WRN: variants seen among roughly 807,000 people sequenced by gnomAD.
The protein encoded by WRN is bifunctional 3'-5' exonuclease/ATP-dependent helicase WRN.
WRN carries 149 observed loss-of-function variants against 180.7 expected under a neutral mutation model. The ratio of observed to expected loss-of-function variants is 0.82; its 90% CI spans 0.72 to 0.94. The LOEUF (loss-of-function observed/expected upper bound fraction) is 0.94, where lower values mean the gene tolerates loss of function less well. WRN is among the 40% of genes least tolerant of loss of function. The probability of loss-of-function intolerance (pLI) is 0.00; values close to 1 mark genes in which losing one functional copy is unlikely to be tolerated. For missense variants in WRN, 1,661 were observed against 1,700.1 expected, an observed-to-expected ratio of 0.98 and a Z score of 0.40; for synonymous variants, 548 against 568.9, an observed-to-expected ratio of 0.96 and a Z score of 0.52.
At chr8:31,140,752 T>C (rs920153910) in intron 24 of WRN, among the ~76,000 whole-genome samples, 6 of 151,806 alleles carry the variant, frequency 4.0e-5, no homozygotes, top group Non-Finnish European at 7.4e-5. Context: ...CGTTTTTTTG[T>C]TTTGTTTTGT....
At chr8:31,068,422 A>G (rs898442391) in intron 7 of WRN, 95 bp downstream of exon 7, 12 of 1,040,684 alleles carry the variant, frequency 1.2e-5, no homozygotes, top group Non-Finnish European at 1.6e-5. Flanking sequence ...AGCATTTAGT[A>G]CTATAACTTC....
intron 1 of WRN, among the ~76,000 whole-genome samples, chr8:31,053,852 T>C (rs1317053193): frequency 2.0e-5 from 3 of 152,354 alleles, no homozygotes; most frequent in African/African-American, 4.8e-5. Flanking sequence ...GACAAAGCTT[T>C]AGTATTATTT....
At chr8:31,067,238 A>G (rs1812745921) in intron 6 of WRN, 56 bp downstream of exon 6, 1 of 1,591,224 alleles carries the variant, frequency 6.3e-7, no homozygotes, top group South Asian at 1.1e-5. Context: ...ATTATTATAA[A>G]TGACTTTAGA....
chr8:31,063,914 G>T (rs1283521890), intron 3 of WRN, among the ~76,000 whole-genome samples: 1 of 151,552 alleles, frequency 6.6e-6, no homozygotes, highest in Non-Finnish European at 1.5e-5. Flanking sequence ...TTTTTGTAGA[G>T]ACATGCTGTG....
intron 24 of WRN, among the ~76,000 whole-genome samples, chr8:31,135,894 CGTTGGGTCA>C (rs984009820): frequency 6.6e-6 from 1 of 152,020 alleles, no homozygotes; most frequent in Non-Finnish European, 1.5e-5. Flanking sequence ...GAAACTGATA[CGTTGGGTCA>C]TGTACCCTGG....
intron 6 of WRN, 78 bp downstream of exon 6, chr8:31,067,260 A>G: frequency 6.6e-7 from 1 of 1,516,042 alleles, no homozygotes; most frequent in Non-Finnish European, 9.0e-7. Context: ...AAATTTTATT[A>G]TAGTAGTGGC....
intron 24 of WRN, among the ~76,000 whole-genome samples, chr8:31,136,496 G>A (rs1445449325): frequency 6.6e-6 from 1 of 152,140 alleles, no homozygotes; most frequent in African/African-American, 2.4e-5. Flanking sequence ...TGCTAGTCTA[G>A]TGTCTTTTCT....
chr8:31,166,433 A>T (rs1803864600), intron 33 of WRN, among the ~76,000 whole-genome samples: 1 of 152,164 alleles, frequency 6.6e-6, no homozygotes, highest in Admixed American at 6.5e-5. Flanking sequence ...GTTGCAAAAA[A>T]TGTAAAGTTT....
chr8:31,134,351 T>C (rs1802314216), intron 24 of WRN, among the ~76,000 whole-genome samples: 1 of 152,210 alleles, frequency 6.6e-6, no homozygotes, highest in South Asian at 2.1e-4. Context: ...TATATAAATA[T>C]ATAACATAGT....
At chr8:31,079,412 A>C (rs1178494979) in intron 8 of WRN, among the ~76,000 whole-genome samples, 5 of 152,198 alleles carry the variant, frequency 3.3e-5, no homozygotes, top group Non-Finnish European at 7.3e-5. Flanking sequence ...ATCGCTAATG[A>C]AAGAGTAAAA....
At chr8:31,093,140 G>C (rs967551458) in intron 16 of WRN, among the ~76,000 whole-genome samples, 11 of 151,964 alleles carry the variant, frequency 7.2e-5, no homozygotes, top group African/African-American at 2.4e-5. Context: ...GATCTTGCTT[G>C]GTTGCCCAGG....
At chr8:31,036,761 C>T (rs1362755702) in intron 1 of WRN, among the ~76,000 whole-genome samples, 4 of 152,008 alleles carry the variant, frequency 2.6e-5, no homozygotes, top group African/African-American at 9.7e-5. Context: ...TGGAAATTAA[C>T]CTCTTATTAG....
In WRN at chr8:31,120,305, T is replaced by TC; in HGVS notation, c.2512dup (p.His838ProfsTer6). 6.2e-7 allele frequency: 1 copy of TC among 1,613,122 alleles called. No homozygotes were observed. The highest frequency in any genetic ancestry group is 1.1e-5 in the South Asian group (1 of 91,064). ...ATAAAGCTGACATTCGCCAAGTCAT[T>TC]CATTACGGTGCTCCTAAGGACATGG... On this transcript the variant is annotated frameshift_variant, in exon 21 of 35. Transcript: ENST00000298139. LOFTEE classifies it high-confidence loss of function.
At chr8:31,056,922 T>C (rs780524400) in intron 1 of WRN, among the ~76,000 whole-genome samples, 6 of 152,174 alleles carry the variant, frequency 3.9e-5, no homozygotes, top group Non-Finnish European at 8.8e-5. Context: ...TCTGGTTTGA[T>C]GTCATTGGGA....
rs1424274322 is a variant in WRN at position 31,149,480 on chromosome 8, T to G, written c.3573-861T>G. On this transcript the variant is annotated intron_variant, in intron 30 of 34. Coordinates refer to ENST00000298139, the MANE Select transcript of WRN (RefSeq NM_000553.6). Reference sequence around the variant, plus strand: ...GTTTTTTTTTTTTTTTTTTTTTTTTTTTTTTTTTTTTGGTGATAGAGTCTC... The same window carrying G: ...GTTTTTTTTTTTTTTTTTTTTTTTTGTTTTTTTTTTTGGTGATAGAGTCTC... Among the ~76,000 whole-genome samples, 30 of 77,362 alleles carry G rather than the reference T, an allele frequency of 3.9e-4. 1 individual carries two copies. Among genetic ancestry groups the G allele is most frequent in the Non-Finnish European group, 7.4e-4 (26 of 35,222 alleles). The allele number at this position is 77,362 out of a possible 152,430, so 50.8% of individuals were successfully genotyped here. A position where few individuals can be genotyped will look rare whatever the true frequency, so the allele number is the denominator to read the frequency against.
rs867175425 is a variant in WRN, at chr8:31,086,816, T to A, written c.1432-960T>A. Among the ~76,000 whole-genome samples, 3 of 152,230 alleles carry A rather than the reference T, an allele frequency of 2.0e-5. No individual in the cohort carries two copies. In the South Asian group the frequency reaches 6.2e-4, roughly 31 times the overall value. On this transcript the variant is annotated intron_variant, in intron 11 of 34. Coordinates refer to ENST00000298139, the MANE Select transcript of WRN (RefSeq NM_000553.6). ...TAAAACTAGAACATAAATACTGAATTGTATTTTGTTATTAATTATCCATTT... is the reference window on the plus strand; with the variant it reads ...TAAAACTAGAACATAAATACTGAATAGTATTTTGTTATTAATTATCCATTT...
intron 1 of WRN, among the ~76,000 whole-genome samples, chr8:31,056,544 A>G (rs571531741): frequency 6.6e-6 from 1 of 152,328 alleles, no homozygotes; most frequent in African/African-American, 2.4e-5. Flanking sequence ...GATTCTGTGA[A>G]TATAGGCAAG....
chr8:31,159,118 G>T (rs1166115710), intron 33 of WRN, among the ~76,000 whole-genome samples: 1 of 151,814 alleles, frequency 6.6e-6, no homozygotes. Context: ...GAGCAACATA[G>T]TGTGACCCCC....
At chr8:31,041,313 G>A (rs1470213315) in intron 1 of WRN, among the ~76,000 whole-genome samples, 1 of 152,190 alleles carries the variant, frequency 6.6e-6, no homozygotes, top group African/African-American at 2.4e-5. Context: ...TCAAAGACAG[G>A]CAGAGGGAGC....
Sources: gnomAD v4.1 joint callset for allele counts (sites outside exome capture counted in the v4.1 genomes callset) on GRCh38, gnomAD v4.1.1 for gene constraint, MANE v1.5 for transcripts, NCBI Gene and HGNC (gene_info 2026-07-23, HGNC 2026-07-21) for gene names.